The following NIBAN3 variants were observed in gnomAD, a reference collection of about 807,000 sequenced individuals.
NIBAN3 encodes the protein niban apoptosis regulator 3.
In NIBAN3, 66 loss-of-function variants were observed where a neutral mutation model predicts 76.4. The ratio of observed to expected loss-of-function variants is 0.86; its 90% CI spans 0.71 to 1.06. NIBAN3 has a LOEUF of 1.06. Among genes scored for constraint, NIBAN3 ranks in the 50% least tolerant of loss-of-function variants. The probability of loss-of-function intolerance (pLI) is 0.00; values close to 1 mark genes in which losing one functional copy is unlikely to be tolerated. For synonymous variants in NIBAN3, 360 were observed against 355.2 expected (o/e 1.01, Z -0.15); for missense variants, 808 against 810.7 (o/e 1.00, Z 0.04).
chr19:17,531,193 A>G (rs143232786), intron 2 of NIBAN3, among the ~76,000 whole-genome samples: 18 of 151,922 alleles, frequency 1.2e-4, no homozygotes, highest in African/African-American at 3.9e-4. Context: ...CAGACCCTGT[A>G]GCGCGCACCT....
At chr19:17,541,653 T>TTTTA in intron 9 of NIBAN3, among the ~76,000 whole-genome samples, 1 of 4,608 alleles carries the variant, frequency 2.2e-4, no homozygotes, top group Middle Eastern at 0.5. Flanking sequence ...ACTTATTTTA[T>TTTTA]TTTATTTTAT....
At chr19:17,531,372 CAA>C (rs1491286157) in intron 2 of NIBAN3, among the ~76,000 whole-genome samples, 10 of 138,106 alleles carry the variant, frequency 7.2e-5, no homozygotes, top group Admixed American at 1.5e-4. Flanking sequence ...CACACACACA[CAA>C]CCATTCACTG....
chr19:17,536,927 A>G (rs1450480994), intron 4 of NIBAN3, among the ~76,000 whole-genome samples: 2 of 152,078 alleles, frequency 1.3e-5, no homozygotes, highest in Non-Finnish European at 2.9e-5. Context: ...GCTTGAGCTC[A>G]GGAGTTCAAG....
intron 14 of NIBAN3, among the ~76,000 whole-genome samples, chr19:17,550,134 C>T (rs987081239): frequency 1.3e-5 from 2 of 152,122 alleles, no homozygotes; most frequent in Non-Finnish European, 2.9e-5. Flanking sequence ...TATCCCATCT[C>T]TAATCCTAGG....
intron 4 of NIBAN3, among the ~76,000 whole-genome samples, chr19:17,535,193 A>T (rs1414636338): frequency 6.6e-6 from 1 of 152,206 alleles, no homozygotes; most frequent in Admixed American, 6.5e-5. Context: ...AGTCCCAGGT[A>T]CTTGGGAGGC....
chr19:17,533,381 G>C (rs2075764778), intron 3 of NIBAN3: 2 of 491,686 alleles, frequency 4.1e-6, no homozygotes, highest in South Asian at 5.8e-5. Context: ...TCGCACTCCA[G>C]CCTGGGTGAC....
At position 17,535,936 on chromosome 19, in the gene NIBAN3, T is replaced by C. The variant is rs962270825; in HGVS notation, c.428-1440T>C. Among the ~76,000 whole-genome samples, 4 of 151,718 alleles carry C rather than the reference T, an allele frequency of 2.6e-5. No homozygotes were observed. The East Asian group carries it at 5.8e-4, about 22-fold the overall frequency. On this transcript the variant is annotated intron_variant, in intron 4 of 14. Transcript: ENST00000599164. ...AAAATAAATTAAAATTTAAAAACAA[T>C]AAATAAAAGAAAGCAAAACTTAGCC...
intron 6 of NIBAN3, 29 bp from the exon 7 acceptor site, chr19:17,539,318 C>T (rs776954468): frequency 2.6e-6 from 4 of 1,554,348 alleles, no homozygotes; most frequent in African/African-American, 1.4e-5. Context: ...CCCGGCCGAC[C>T]GCGGCGCCCA....
At chr19:17,554,929 CAAAA>C (rs539980884), downstream of NIBAN3, among the ~76,000 whole-genome samples, 1 of 92,140 alleles carries the variant, frequency 1.1e-5, no homozygotes, top group Non-Finnish European at 2.4e-5. Flanking sequence ...GACTCCGTCT[CAAAA>C]AAAAAAAAAA....
At chr19:17,537,581 T>C in intron 5 of NIBAN3, 38 bp downstream of exon 5, 2 of 1,523,290 alleles carry the variant, frequency 1.3e-6, no homozygotes, top group South Asian at 1.2e-5. Context: ...GTGGGGCTAA[T>C]GGTCTGGGGT....
At chr19:17,533,758 T>C in intron 4 of NIBAN3, 57 bp downstream of exon 4, 1 of 1,301,654 alleles carries the variant, frequency 7.7e-7, no homozygotes, top group Non-Finnish European at 1.1e-6. Context: ...CATTAACATG[T>C]GGGGCCAGAT....
chr19:17,539,297 C>T, intron 6 of NIBAN3, 32 bp downstream of exon 6: 1 of 1,568,830 alleles, frequency 6.4e-7, no homozygotes. Flanking sequence ...ACCCGGGACC[C>T]CCAGGACCCT....
intron 12 of NIBAN3, chr19:17,545,350 C>G (rs982737453): frequency 1.2e-5 from 2 of 161,862 alleles, no homozygotes; most frequent in African/African-American, 2.4e-5. Flanking sequence ...TACAGGCACC[C>G]GCTATAGGGA....
rs1179040720 is a variant in NIBAN3 at position 17,539,620 on chromosome 19, C to A, written c.834C>A (p.His278Gln). The A allele has an allele frequency of 3.2e-6, 5 of 1,559,576 alleles. No homozygotes were observed. The highest frequency in any genetic ancestry group is 2.4e-5 in the East Asian group (1 of 41,866). Residue 278 changes from histidine (H) to glutamine (Q), a missense_variant, in exon 8 of 15, where the codon CAC (histidine) becomes CAA (glutamine). By Grantham distance (24) the His-to-Gln change is conservative. Coordinates refer to ENST00000599164, the MANE Select transcript of NIBAN3 (RefSeq NM_001321827.2). ...CTGGGCAGCTTCTAGACGCCGTTCACGCAGCTGTCCTGGCCGGGGCCTCCG... is the reference window on the plus strand; with the variant it reads ...CTGGGCAGCTTCTAGACGCCGTTCAAGCAGCTGTCCTGGCCGGGGCCTCCG... ...WAWTELLDAVHAAVLAGASAG... is the reference protein window; with the variant it reads ...WAWTELLDAVQAAVLAGASAG...
At chr19:17,551,582 A>G (rs2076157775) in intron 14 of NIBAN3, among the ~76,000 whole-genome samples, 1 of 151,434 alleles carries the variant, frequency 6.6e-6, no homozygotes, top group South Asian at 2.1e-4. Context: ...TAATTTTTGT[A>G]TTTTTAGTAA....
rs541622097 is a variant in NIBAN3 at position 17,549,510 on chromosome 19, G to A, written c.1733G>A (p.Trp578Ter). ...CTGGACGGCTGCTTGGAGGTCCCAT[G>A]GGAACAGGAGGGAGCAGGTGGGGAA... ...CTLDGCLEVP[W>*]EQEGADEETE... Residue 578 changes from tryptophan (W) to a stop codon, truncating the protein, a stop_gained, in exon 14 of 15, where the codon TGG (tryptophan) becomes TAG (stop). Transcript: ENST00000599164. LOFTEE classifies it low-confidence loss of function (END_TRUNC). 143 of 1,613,376 alleles carry A rather than the reference G, an allele frequency of 8.9e-5. 1 individual carries two copies. The South Asian group carries it at 1.4e-3, about 16-fold the overall frequency.
In NIBAN3 at chr19:17,539,645, GC is replaced by G; in HGVS notation, c.861del (p.Leu289SerfsTer37). On this transcript the variant is annotated frameshift_variant, in exon 8 of 15. Coordinates refer to ENST00000599164, the MANE Select transcript of NIBAN3 (RefSeq NM_001321827.2). LOFTEE classifies it high-confidence loss of function. ...CGCAGCTGTCCTGGCCGGGGCCTCCGCCGGGCTCTGCGCCTTCCAGCCCGAA... is the reference window on the plus strand; with the variant it reads ...CGCAGCTGTCCTGGCCGGGGCCTCCGCGGGCTCTGCGCCTTCCAGCCCGAA... ...VHAAVLAGASAGLCAFQPEKD... is the reference protein window; with the variant it reads ...VHAAVLAGASXGLCAFQPEKD... 6.4e-7 allele frequency: 1 copy of G among 1,567,238 alleles called. No individual in the cohort carries two copies. Among genetic ancestry groups the G allele is most frequent in the Admixed American group, 1.8e-5 (1 of 54,704 alleles).
In NIBAN3 at chr19:17,540,564, C is replaced by G; in HGVS notation, c.1152C>G (p.Gly384=). The G allele has an allele frequency of 2.0e-6, 3 of 1,523,952 alleles. No individual in the cohort carries two copies. Among genetic ancestry groups the G allele is most frequent in the Non-Finnish European group, 2.6e-6 (3 of 1,133,382 alleles). The allele number at this position is 1,523,952 out of a possible 1,614,324, so 94.4% of individuals were successfully genotyped here. A position where few individuals can be genotyped will look rare whatever the true frequency, so the allele number is the denominator to read the frequency against. The part of the protein sequence containing the change: ...LSHRLRQSPS[G]TRLRREVYSF... ...ACCGCCTGCGCCAGAGCCCCTCAGG[C>G]ACGCGGCTGCGCAGGGAGGTGAGCT... The change falls in exon 9 of 15, where the codon GGC becomes GGG. Residue 384 remains glycine, a synonymous_variant. Coordinates refer to ENST00000599164, the MANE Select transcript of NIBAN3 (RefSeq NM_001321827.2).
At chr19:17,539,582 C>T (rs764995902) in intron 7 of NIBAN3, 21 bp from the exon 8 acceptor site, 3 of 1,520,706 alleles carry the variant, frequency 2.0e-6, no homozygotes, top group Non-Finnish European at 2.7e-6. Context: ...GGCTTTGTCC[C>T]CCCTCGACCG....
Sources: gnomAD v4.1 joint callset for allele counts (sites outside exome capture counted in the v4.1 genomes callset) on GRCh38, gnomAD v4.1.1 for gene constraint, MANE v1.5 for transcripts, NCBI Gene and HGNC (gene_info 2026-07-23, HGNC 2026-07-21) for gene names.